MLIP: variants seen among roughly 807,000 people sequenced by gnomAD.
The protein encoded by MLIP is muscular LMNA interacting protein, also known as muscular LMNA-interacting protein.
MLIP carries 79 observed loss-of-function variants against 84.8 expected under a neutral mutation model. The ratio of observed to expected loss-of-function variants is 0.93; its 90% CI spans 0.78 to 1.12. The LOEUF (loss-of-function observed/expected upper bound fraction) is 1.12, where lower values mean the gene tolerates loss of function less well. Ranked by LOEUF, MLIP falls within the 50% of genes most tolerant of loss-of-function variation. The pLI is 0.00. For missense variants in MLIP, 1,257 were observed against 1,160.6 expected, an observed-to-expected ratio of 1.08 and a Z score of -1.21; for synonymous variants, 504 against 463.0, an observed-to-expected ratio of 1.09 and a Z score of -1.14.
chr6:54,205,855 C>T (rs1582496771), intron 11 of MLIP, among the ~76,000 whole-genome samples: 2 of 152,106 alleles, frequency 1.3e-5, no homozygotes, highest in South Asian at 4.1e-4. Context: ...AATTAATCTT[C>T]ACTCGTTATT....
intron 1 of MLIP, among the ~76,000 whole-genome samples, chr6:54,048,002 T>C (rs1282377771): frequency 6.6e-6 from 1 of 152,128 alleles, no homozygotes; most frequent in Non-Finnish European, 1.5e-5. Context: ...AGTAAGTGGT[T>C]GATGAGAGAG....
At chr6:54,034,113 C>A (rs1220058518) in intron 1 of MLIP, among the ~76,000 whole-genome samples, 1 of 152,128 alleles carries the variant, frequency 6.6e-6, no homozygotes, top group African/African-American at 2.4e-5. Flanking sequence ...TGGGGACCTA[C>A]TTTGTTGGTC....
chr6:54,105,886 T>C (rs1207115839), intron 1 of MLIP, among the ~76,000 whole-genome samples: 1 of 152,110 alleles, frequency 6.6e-6, no homozygotes, highest in Non-Finnish European at 1.5e-5. Flanking sequence ...TGTAAGATCA[T>C]TGGGCTATAG....
chr6:54,028,633 T>C (rs1342683998), intron 1 of MLIP, among the ~76,000 whole-genome samples: 1 of 152,244 alleles, frequency 6.6e-6, no homozygotes, highest in African/African-American at 2.4e-5. Flanking sequence ...CTGGCATGTT[T>C]TGTTGTGCCA....
At chr6:54,155,528 A>T (rs938121133) in intron 5 of MLIP, among the ~76,000 whole-genome samples, 7 of 152,150 alleles carry the variant, frequency 4.6e-5, no homozygotes, top group African/African-American at 1.4e-4. Context: ...CTGTTAGATC[A>T]TTCTTCCTTT....
At chr6:54,103,730 G>A (rs973350224) in intron 1 of MLIP, among the ~76,000 whole-genome samples, 21 of 152,166 alleles carry the variant, frequency 1.4e-4, no homozygotes, top group African/African-American at 4.8e-4. Context: ...GAAAAGAAAT[G>A]AAGCACTAAG....
At chr6:54,062,917 A>C (rs1178539095) in intron 1 of MLIP, among the ~76,000 whole-genome samples, 2 of 152,144 alleles carry the variant, frequency 1.3e-5, no homozygotes, top group African/African-American at 4.8e-5. Context: ...TATGGGTCAA[A>C]TTGGGCTGCA....
chr6:54,091,110 A>G (rs997251605), intron 1 of MLIP, among the ~76,000 whole-genome samples: 2 of 152,064 alleles, frequency 1.3e-5, no homozygotes, highest in African/African-American at 4.8e-5. Flanking sequence ...ACTTTTTATG[A>G]CAACCAAAAT....
At chr6:54,062,450 A>G (rs991619165) in intron 1 of MLIP, among the ~76,000 whole-genome samples, 1 of 152,200 alleles carries the variant, frequency 6.6e-6, no homozygotes. Context: ...TATACATAAT[A>G]TAGCCAAGTC....
intron 1 of MLIP, among the ~76,000 whole-genome samples, chr6:54,025,542 A>G (rs1019845934): frequency 1.3e-5 from 2 of 152,202 alleles, no homozygotes; most frequent in Admixed American, 1.3e-4. Flanking sequence ...AAACATGCAA[A>G]CGATGATATT....
intron 11 of MLIP, chr6:54,217,177 C>G (rs1433855019): frequency 1.0e-6 from 1 of 985,370 alleles, no homozygotes; most frequent in Non-Finnish European, 1.2e-6. Flanking sequence ...GTCTTGTACT[C>G]AGACAGAAAA....
chr6:54,236,071 C>A (rs183693662), intron 12 of MLIP, among the ~76,000 whole-genome samples: 2 of 152,142 alleles, frequency 1.3e-5, no homozygotes, highest in South Asian at 4.2e-4. Context: ...CCCTACATAT[C>A]TTTCTCTGTT....
At chr6:54,118,057 T>C (rs1426699291) in intron 1 of MLIP, among the ~76,000 whole-genome samples, 2 of 152,216 alleles carry the variant, frequency 1.3e-5, no homozygotes, top group Non-Finnish European at 2.9e-5. Context: ...ACTGTGTTCA[T>C]GAATTGGAAG....
In MLIP at chr6:54,124,793, G is replaced by A. The variant is rs1486752924; in HGVS notation, c.573G>A (p.Gln191=). 2 of 1,614,074 alleles carry A rather than the reference G, an allele frequency of 1.2e-6. No homozygotes were observed. Among genetic ancestry groups the A allele is most frequent in the East Asian group, 2.2e-5 (1 of 44,868 alleles). The change falls in exon 3 of 14, where the codon CAG becomes CAA. Residue 191 remains glutamine (Q), a synonymous_variant. Coordinates refer to ENST00000502396, the MANE Select transcript of MLIP (RefSeq NM_001281747.2). ...LVSDVVRPKT[Q]GTDLKTSSHP... is the part of the protein sequence containing the mutation. ...CTGATGTAGTGCGTCCCAAAACACA[G>A]GGGACTGATCTCAAGACCTCATCAC...
chr6:54,054,481 G>A (rs1041676562), intron 1 of MLIP, among the ~76,000 whole-genome samples: 5 of 151,022 alleles, frequency 3.3e-5, no homozygotes, highest in South Asian at 4.2e-4. Flanking sequence ...GTACTGTATC[G>A]GATATAGCAT....
At chr6:54,165,496 AC>A (rs1175161922) in intron 8 of MLIP, among the ~76,000 whole-genome samples, 1 of 151,778 alleles carries the variant, frequency 6.6e-6, no homozygotes, top group Non-Finnish European at 1.5e-5. Flanking sequence ...CCCTCAGTTC[AC>A]CCCATTGATC....
At chr6:54,028,732 G>A (rs1212385909) in intron 1 of MLIP, among the ~76,000 whole-genome samples, 2 of 152,254 alleles carry the variant, frequency 1.3e-5, no homozygotes, top group Admixed American at 6.5e-5. Flanking sequence ...TTTGCATGGG[G>A]TGGGGAAGGA....
intron 8 of MLIP, among the ~76,000 whole-genome samples, chr6:54,168,796 C>T (rs1775460351): frequency 6.7e-6 from 1 of 148,822 alleles, no homozygotes; most frequent in Non-Finnish European, 1.5e-5. Flanking sequence ...CAATGTTTTG[C>T]TTCTCAGATA....
intron 11 of MLIP, among the ~76,000 whole-genome samples, chr6:54,222,275 T>C (rs1260848584): frequency 6.6e-6 from 1 of 152,006 alleles, no homozygotes; most frequent in Non-Finnish European, 1.5e-5. Flanking sequence ...CAGTACACTA[T>C]TGTTAGTTAT....
Sources: allele counts gnomAD v4.1 joint callset (sites outside exome capture counted in the v4.1 genomes callset), GRCh38; gene constraint gnomAD v4.1.1; transcripts MANE v1.5; gene names NCBI Gene and HGNC (gene_info 2026-07-23, HGNC 2026-07-21).